PTPRN2: variants seen among roughly 807,000 people sequenced by gnomAD.
PTPRN2 encodes the protein protein tyrosine phosphatase receptor type N2.
A neutral mutation model predicts 118.8 loss-of-function variants in PTPRN2; 74 were observed. That is an observed-to-expected ratio of 0.62 (90% confidence interval 0.52 to 0.76). The LOEUF (loss-of-function observed/expected upper bound fraction) is 0.76. PTPRN2 is among the 30% of genes least tolerant of loss of function. PTPRN2 has a pLI of 0.00. For synonymous variants in PTPRN2, 641 were observed against 608.0 expected (o/e 1.05, Z -0.80); for missense variants, 1,481 against 1,394.4 (o/e 1.06, Z -0.99).
chr7:158,237,826 T>C (rs1795626357), intron 3 of PTPRN2, among the ~76,000 whole-genome samples: 1 of 151,914 alleles, frequency 6.6e-6, no homozygotes, highest in Admixed American at 6.5e-5. Flanking sequence ...CTGCTCCCCC[T>C]CTTTCTGAAC....
At chr7:157,695,674 T>C (rs1797731036) in intron 12 of PTPRN2, among the ~76,000 whole-genome samples, 1 of 152,252 alleles carries the variant, frequency 6.6e-6, no homozygotes, top group African/African-American at 2.4e-5. Context: ...CAAATATGGA[T>C]GACTCTGAGT....
intron 2 of PTPRN2, among the ~76,000 whole-genome samples, chr7:158,328,793 T>TCCCCC (rs368096894): frequency 2.2e-5 from 3 of 134,026 alleles, no homozygotes; most frequent in African/African-American, 8.5e-5. Flanking sequence ...GGGCCTCCAT[T>TCCCCC]CCCCCCCCCC....
At chr7:157,631,636 T>G (rs780133748) in intron 14 of PTPRN2, among the ~76,000 whole-genome samples, 3 of 151,980 alleles carry the variant, frequency 2.0e-5, no homozygotes, top group Non-Finnish European at 4.4e-5. Flanking sequence ...ATCGAGTCCA[T>G]CCTGGCTAAC....
intron 2 of PTPRN2, among the ~76,000 whole-genome samples, chr7:158,486,100 C>G (rs992260186): frequency 4.6e-5 from 7 of 152,202 alleles, no homozygotes; most frequent in Non-Finnish European, 8.8e-5. Context: ...CAGCTTTGTG[C>G]TTCAAGTTTT....
chr7:157,661,011 C>T (rs1052232704), intron 13 of PTPRN2, among the ~76,000 whole-genome samples: 3 of 152,234 alleles, frequency 2.0e-5, no homozygotes, highest in Admixed American at 6.5e-5. Flanking sequence ...GCCTTGGCCT[C>T]GCAAAGTGTT....
chr7:158,133,847 AT>A lies in PTPRN2; in HGVS notation c.1385del (p.His462LeufsTer54). 6.2e-7 allele frequency: 1 copy of A among 1,613,920 alleles called. No individual in the cohort carries two copies. ...CAAACGCAGCGGCCCCGGGCTCCGA[AT>A]GCGGCTGCTGCCCCAGCAGATCTTT... ...YSKDLLGQQP[H>X]SEPGAAAFGE... On this transcript the variant is annotated frameshift_variant, in exon 9 of 23. Transcript: ENST00000389418. LOFTEE classifies it high-confidence loss of function.
intron 12 of PTPRN2, among the ~76,000 whole-genome samples, chr7:157,766,390 AACC>A (rs1802493161): frequency 6.6e-6 from 1 of 150,524 alleles, no homozygotes; most frequent in African/African-American, 2.5e-5. Context: ...TCTTCCATCC[AACC>A]ACCATCCCTC....
chr7:157,603,616 G>A lies in PTPRN2; in HGVS notation c.2418+386C>T, dbSNP rs1236900674. Among the ~76,000 whole-genome samples, 1 of 152,192 alleles carries A rather than the reference G, an allele frequency of 6.6e-6. No individual in the cohort carries two copies. The highest frequency in any genetic ancestry group is 1.5e-5 in the Non-Finnish European group (1 of 68,034). On this transcript the variant is annotated intron_variant, in intron 16 of 22. Transcript: ENST00000389418. The surrounding 1 kb of genome is among the most constrained non-coding windows in gnomAD (Gnocchi z 5.4). ...TCCAAGCCACTGATTGTTACAAAAAGCGTAGACTGAGGCCTCATGTCCCCA... is the reference window on the plus strand; with the variant it reads ...TCCAAGCCACTGATTGTTACAAAAAACGTAGACTGAGGCCTCATGTCCCCA...
chr7:157,806,911 C>G (rs561951514), intron 12 of PTPRN2, among the ~76,000 whole-genome samples: 1 of 152,380 alleles, frequency 6.6e-6, no homozygotes, highest in Non-Finnish European at 1.5e-5. Flanking sequence ...ACCTGCACCT[C>G]AGCAGCACCA....
chr7:158,195,417 T>C (rs1826137174), intron 4 of PTPRN2, among the ~76,000 whole-genome samples: 1 of 152,200 alleles, frequency 6.6e-6, no homozygotes, highest in Admixed American at 6.5e-5. Flanking sequence ...AATTTTATTA[T>C]GATATTTCTT....
At chr7:157,601,346 T>G (rs1801655183) in intron 16 of PTPRN2, among the ~76,000 whole-genome samples, 1 of 152,200 alleles carries the variant, frequency 6.6e-6, no homozygotes, top group Non-Finnish European at 1.5e-5. Context: ...GAGCTTTTCA[T>G]TCAGCTGCTG....
chr7:158,068,823 TCTTAA>T (rs1181480765), intron 11 of PTPRN2, among the ~76,000 whole-genome samples: 1 of 152,220 alleles, frequency 6.6e-6, no homozygotes, highest in Non-Finnish European at 1.5e-5. Context: ...GACTTCTCAT[TCTTAA>T]CTTGCTTTCT....
intron 2 of PTPRN2, among the ~76,000 whole-genome samples, chr7:158,472,483 A>C (rs1819930160): frequency 6.6e-6 from 1 of 152,210 alleles, no homozygotes; most frequent in Admixed American, 6.5e-5. Flanking sequence ...CATGCAGTGC[A>C]CTATTATTAC....
intron 12 of PTPRN2, among the ~76,000 whole-genome samples, chr7:157,746,153 C>T (rs757925723): frequency 2.5e-4 from 34 of 133,624 alleles, no homozygotes; most frequent in Admixed American, 2.2e-3. Context: ...ACCCCACAGT[C>T]CTCATGGGAC....
At chr7:158,260,566 T>C (rs915532828) in intron 3 of PTPRN2, among the ~76,000 whole-genome samples, 1 of 152,080 alleles carries the variant, frequency 6.6e-6, no homozygotes, top group Non-Finnish European at 1.5e-5. Flanking sequence ...ACTCCCACAA[T>C]ACCCCAAAAC....
chr7:157,705,827 A>T (rs1291014345), intron 12 of PTPRN2, among the ~76,000 whole-genome samples: 1 of 140,580 alleles, frequency 7.1e-6, no homozygotes, highest in Non-Finnish European at 1.5e-5. Context: ...AATCTGACCC[A>T]GGTGCCTTCC....
chr7:158,494,306 T>C (rs938761550), intron 1 of PTPRN2, among the ~76,000 whole-genome samples: 1 of 152,330 alleles, frequency 6.6e-6, no homozygotes, highest in African/African-American at 2.4e-5. Flanking sequence ...CCCAACCCTG[T>C]CTCTACCACC....
At chr7:157,689,715 C>T (rs1449176917) in intron 12 of PTPRN2, among the ~76,000 whole-genome samples, 1 of 152,192 alleles carries the variant, frequency 6.6e-6, no homozygotes, top group Admixed American at 6.5e-5. Flanking sequence ...CTGGCGAGCA[C>T]GCGGCCGCCT....
chr7:158,162,482 T>C (rs1236973169), intron 6 of PTPRN2, among the ~76,000 whole-genome samples: 1 of 152,174 alleles, frequency 6.6e-6, no homozygotes, highest in Non-Finnish European at 1.5e-5. Context: ...CTTCAAGGCA[T>C]GTGACCCATC....
Sources: allele counts gnomAD v4.1 joint callset (sites outside exome capture counted in the v4.1 genomes callset), GRCh38; gene constraint gnomAD v4.1.1; non-coding constraint Gnocchi (gnomAD v3.1); transcripts MANE v1.5; gene names NCBI Gene and HGNC (gene_info 2026-07-23, HGNC 2026-07-21).